ZNF469: variants seen among roughly 807,000 people sequenced by gnomAD.
The protein encoded by ZNF469 is zinc finger protein 469.
Under a neutral mutation model 1.0 loss-of-function variants are expected in ZNF469, and 1 was observed. The observed-to-expected ratio is 1.00, with a 90% CI of 0.35 to 4.73. ZNF469 has a LOEUF of 4.73. ZNF469 is among the 30% of genes most tolerant of loss of function. The pLI is 0.16. For synonymous variants in ZNF469, 2,703 were observed against 2,363.4 expected (o/e 1.14, Z -4.17); for missense variants, 6,100 against 5,356.3 (o/e 1.14, Z -4.33).
At chr16:88,333,614 C>T in the ZNF469 span, among the ~76,000 whole-genome samples, 1 of 152,158 alleles carries the variant, frequency 6.6e-6, no homozygotes, top group Non-Finnish European at 1.5e-5. Flanking sequence ...GGAGACATTT[C>T]CTTCCAGCAA....
the ZNF469 span, among the ~76,000 whole-genome samples, chr16:88,116,148 G>C: frequency 6.6e-6 from 1 of 152,188 alleles, no homozygotes; most frequent in African/African-American, 2.4e-5. Flanking sequence ...AAAACAAGCC[G>C]ATGTGAGAAT....
In ZNF469 at chr16:88,438,281, C is replaced by G; in HGVS notation, c.10811C>G (p.Pro3604Arg). Residue 3604 changes from proline (P) to arginine (R), a missense_variant, in exon 3 of 3, where the codon CCG (proline) becomes CGG (arginine). Pro to Arg is a moderately radical substitution (Grantham distance 103). Transcript: ENST00000565624. ...ALPLGASLPR[P>R]GARGQDAEGK... ...CCTCTGGGGGCATCTCTGCCGCGGC[C>G]GGGAGCCAGAGGCCAAGATGCGGAG... 6.5e-7 allele frequency: 1 copy of G among 1,548,314 alleles called. No individual in the cohort carries two copies. Among genetic ancestry groups the G allele is most frequent in the African/African-American group, 1.4e-5 (1 of 73,134 alleles).
At chr16:88,357,652 T>C in the ZNF469 span, among the ~76,000 whole-genome samples, 1 of 152,146 alleles carries the variant, frequency 6.6e-6, no homozygotes, top group East Asian at 1.9e-4. Context: ...TGGTTTGAGT[T>C]AGCTGTGACT....
intron 1 of ZNF469, among the ~76,000 whole-genome samples, chr16:88,386,874 G>A (rs1054036954): frequency 4.8e-5 from 6 of 126,244 alleles, no homozygotes; most frequent in Admixed American, 3.7e-4. Context: ...CTCAGGGCCT[G>A]TTTCTTTGGC....
the ZNF469 span, among the ~76,000 whole-genome samples, chr16:88,106,158 A>C: frequency 6.6e-6 from 1 of 152,154 alleles, no homozygotes; most frequent in African/African-American, 2.4e-5. Flanking sequence ...CTGCAGAGGG[A>C]GACAGTGTGG....
At chr16:88,401,453 G>A (rs1164037641) in intron 1 of ZNF469, among the ~76,000 whole-genome samples, 1 of 152,172 alleles carries the variant, frequency 6.6e-6, no homozygotes, top group Non-Finnish European at 1.5e-5. Context: ...AAGAATGGAT[G>A]GATAGGTGGG....
At chr16:88,357,388 G>A in the ZNF469 span, among the ~76,000 whole-genome samples, 1 of 152,222 alleles carries the variant, frequency 6.6e-6, no homozygotes, top group Non-Finnish European at 1.5e-5. Flanking sequence ...GTCCTCGACT[G>A]CGTTGACCCC....
In ZNF469 at chr16:88,385,620, G is replaced by A. The variant is rs144932895; in HGVS notation, c.-192+2366G>A. Among the ~76,000 whole-genome samples, 1,003 of 147,894 alleles carry A rather than the reference G, an allele frequency of 6.8e-3. 13 individuals carry two copies. The highest frequency in any genetic ancestry group is 0.024 in the African/African-American group (952 of 39,760). ...ATCGTGCCACCGCATTCCAGCCTGCGTGATAGAGTGAGACTCTGTCTCAAA... is the reference window on the plus strand; with the variant it reads ...ATCGTGCCACCGCATTCCAGCCTGCATGATAGAGTGAGACTCTGTCTCAAA... On this transcript the variant is annotated intron_variant, in intron 1 of 2. Coordinates refer to ENST00000565624, the MANE Select transcript of ZNF469 (RefSeq NM_001367624.2).
chr16:88,355,023 C>T, the ZNF469 span, among the ~76,000 whole-genome samples: 2 of 152,178 alleles, frequency 1.3e-5, no homozygotes, highest in Non-Finnish European at 2.9e-5. Context: ...AGCACTGTCC[C>T]ACCTGATACT....
chr16:88,318,176 G>A, the ZNF469 span, among the ~76,000 whole-genome samples: 100 of 152,306 alleles, frequency 6.6e-4, no homozygotes, highest in East Asian at 0.018. Context: ...CCAGATCTTC[G>A]GGCCCAGCCT....
chr16:88,163,931 G>T, the ZNF469 span, among the ~76,000 whole-genome samples: 1 of 151,370 alleles, frequency 6.6e-6, no homozygotes, highest in Non-Finnish European at 1.5e-5. Flanking sequence ...TGGGTGGATG[G>T]ATGAATGGCT....
chr16:88,384,651 G>A (rs2092533362), intron 1 of ZNF469, among the ~76,000 whole-genome samples: 1 of 152,182 alleles, frequency 6.6e-6, no homozygotes, highest in Admixed American at 6.5e-5. Context: ...GGAAGGCCAG[G>A]GCCTTCTCAA....
At chr16:88,158,545 G>A in the ZNF469 span, among the ~76,000 whole-genome samples, 2 of 88,896 alleles carry the variant, frequency 2.2e-5, no homozygotes, top group Admixed American at 2.2e-4. Context: ...CAGAAGCCTG[G>A]CCTCATCTCT....
chr16:88,279,685 C>G, the ZNF469 span, among the ~76,000 whole-genome samples: 235 of 139,286 alleles, frequency 1.7e-3, 2 homozygotes, highest in African/African-American at 6.9e-3. Flanking sequence ...CTGTGCCACA[C>G]TGACACTCGG....
chr16:88,370,052 C>G, the ZNF469 span, among the ~76,000 whole-genome samples: 1 of 152,226 alleles, frequency 6.6e-6, no homozygotes, highest in Non-Finnish European at 1.5e-5. Context: ...AGGGAAATTT[C>G]AAAGTTGCCC....
chr16:88,323,865 A>T, the ZNF469 span, among the ~76,000 whole-genome samples: 1 of 152,186 alleles, frequency 6.6e-6, no homozygotes, highest in Non-Finnish European at 1.5e-5. Flanking sequence ...CATCCTACAG[A>T]TGGTGACAGG....
Position 88,432,438 on chromosome 16 carries a change from G to A in ZNF469, c.4968G>A (p.Gly1656=), listed in dbSNP as rs1332876188. ...AAGCGGTTCAGGGGAGGCCTGGGGG[G>A]ACGTGGCCCTGCCCAGCCTCCTTCC... The part of the protein sequence containing the change: ...TVEAVQGRPG[G]TWPCPASFHP... The change falls in exon 3 of 3, where the codon GGG becomes GGA. Residue 1656 remains glycine (G), a synonymous_variant. Coordinates refer to ENST00000565624, the MANE Select transcript of ZNF469 (RefSeq NM_001367624.2). 3 of 1,550,228 alleles carry A rather than the reference G, an allele frequency of 1.9e-6. No individual in the cohort carries two copies. The highest frequency in any genetic ancestry group is 2.4e-5 in the East Asian group (1 of 40,924).
Position 88,427,374 on chromosome 16 carries a change from C to A in ZNF469, c.-97C>A. 7.9e-7 allele frequency: 1 copy of A among 1,266,012 alleles called. No homozygotes were observed. The highest frequency in any genetic ancestry group is 1.1e-6 in the Non-Finnish European group (1 of 948,332). The allele number at this position is 1,266,012 out of a possible 1,614,324, so 78.4% of individuals were successfully genotyped here. A position where few individuals can be genotyped will look rare whatever the true frequency, so the allele number is the denominator to read the frequency against. ...CACTCAGGACCATGAGCGCAGGCTT[C>A]CCTGGGGCCCATCGAGGGCTGAGGA... On this transcript the variant is annotated 5_prime_UTR_variant, in exon 3 of 3. Transcript: ENST00000565624.
the ZNF469 span, among the ~76,000 whole-genome samples, chr16:88,124,757 T>A: frequency 8.2e-4 from 125 of 152,272 alleles, no homozygotes; most frequent in African/African-American, 2.9e-3. Flanking sequence ...GCTAATTTTG[T>A]ATTTTTAGTA....
Sources: gnomAD v4.1 joint callset for allele counts (sites outside exome capture counted in the v4.1 genomes callset) on GRCh38, gnomAD v4.1.1 for gene constraint, MANE v1.5 for transcripts, NCBI Gene and HGNC (gene_info 2026-07-23, HGNC 2026-07-21) for gene names.